The following FAR2 variants were observed in gnomAD, a reference collection of about 807,000 sequenced individuals.
FAR2 encodes fatty acyl-CoA reductase 2, also known as epididymis secretory protein Li 81.
Under a neutral mutation model 56.0 loss-of-function variants are expected in FAR2, and 19 were observed. The observed-to-expected ratio is 0.34, with a 90% confidence interval of 0.24 to 0.50. The LOEUF (loss-of-function observed/expected upper bound fraction) is 0.50. FAR2 is among the 20% of genes least tolerant of loss of function. The probability of loss-of-function intolerance (pLI) is 0.98; values close to 1 mark genes in which losing one functional copy is unlikely to be tolerated. For missense variants in FAR2, 508 were observed against 642.2 expected (o/e 0.79, Z 2.26); for synonymous variants, 219 against 218.8 (o/e 1.00, Z -0.01).
intron 10 of FAR2, among the ~76,000 whole-genome samples, chr12:29,330,217 T>C (rs951391919): frequency 2.0e-5 from 3 of 152,066 alleles, no homozygotes; most frequent in Admixed American, 6.6e-5. Context: ...CCACGACGCC[T>C]GGCTAATTTT....
In FAR2 at chr12:29,166,288, A is replaced by G. The variant is rs539789323; in HGVS notation, c.-39+16881A>G. Among the ~76,000 whole-genome samples the G allele has an allele frequency of 3.3e-5, 5 of 152,346 alleles. 1 individual carries two copies. Among genetic ancestry groups the G allele is most frequent in the African/African-American group, 1.2e-4 (5 of 41,584 alleles). On this transcript the variant is annotated intron_variant, in intron 1 of 11. Coordinates refer to ENST00000536681, the MANE Select transcript of FAR2 (RefSeq NM_001271783.2). ...CAGACTTTAATATCTATATCTATACATAATTTTATACATGATAATAGTAAT... is the reference window on the plus strand; with the variant it reads ...CAGACTTTAATATCTATATCTATACGTAATTTTATACATGATAATAGTAAT...
chr12:29,264,192 C>T (rs1415149927), intron 1 of FAR2, among the ~76,000 whole-genome samples: 1 of 152,040 alleles, frequency 6.6e-6, no homozygotes, highest in Non-Finnish European at 1.5e-5. Flanking sequence ...CAATATGATA[C>T]ATCATACCAA....
chr12:29,260,210 T>C (rs779324655), intron 1 of FAR2, among the ~76,000 whole-genome samples: 2 of 152,196 alleles, frequency 1.3e-5, no homozygotes, highest in Non-Finnish European at 1.5e-5. Context: ...ACTGCAATTA[T>C]TTTTGTGCCA....
chr12:29,285,545 G>A (rs963238326), intron 2 of FAR2, among the ~76,000 whole-genome samples: 1 of 151,952 alleles, frequency 6.6e-6, no homozygotes, highest in African/African-American at 2.4e-5. Context: ...AAGGAAGGGA[G>A]GAAGGGAAGA....
At chr12:29,192,596 T>C (rs921327273) in intron 1 of FAR2, among the ~76,000 whole-genome samples, 6 of 152,214 alleles carry the variant, frequency 3.9e-5, no homozygotes, top group Admixed American at 6.5e-5. Context: ...ACCCCTGAGT[T>C]CTTTAAACAG....
chr12:29,270,717 C>A, intron 2 of FAR2, 79 bp downstream of exon 2: 1 of 1,278,044 alleles, frequency 7.8e-7, no homozygotes, highest in Non-Finnish European at 1.0e-6. Context: ...CTTATAGTCT[C>A]ATATTGCAAG....
At chr12:29,208,443 T>A (rs1947501779) in intron 1 of FAR2, among the ~76,000 whole-genome samples, 1 of 152,260 alleles carries the variant, frequency 6.6e-6, no homozygotes, top group African/African-American at 2.4e-5. Flanking sequence ...ATGTTCCCTC[T>A]TAATTTTACC....
intron 10 of FAR2, among the ~76,000 whole-genome samples, chr12:29,328,908 G>GA (rs975441813): frequency 5.4e-4 from 80 of 148,952 alleles, no homozygotes; most frequent in Admixed American, 1.7e-3. Context: ...TTAAAAAAAA[G>GA]AAAAAAAAAC....
chr12:29,321,345 G>A (rs1219058996), intron 9 of FAR2, among the ~76,000 whole-genome samples: 1 of 152,150 alleles, frequency 6.6e-6, no homozygotes, highest in Non-Finnish European at 1.5e-5. Context: ...GGGCAACATG[G>A]CAAAACCCTA....
At chr12:29,161,290 C>T (rs909715544) in intron 1 of FAR2, among the ~76,000 whole-genome samples, 1 of 152,216 alleles carries the variant, frequency 6.6e-6, no homozygotes, top group Admixed American at 6.5e-5. Flanking sequence ...CAGTCAGTAC[C>T]TAGTGCCTCC....
rs574104776 is a variant in FAR2 at position 29,307,693 on chromosome 12, C to A, written c.581C>A (p.Pro194His). 6.2e-7 allele frequency: 1 copy of A among 1,613,248 alleles called. No homozygotes were observed. Among genetic ancestry groups the A allele is most frequent in the East Asian group, 2.2e-5 (1 of 44,804 alleles). Residue 194 changes from proline (P) to histidine (H), a missense_variant, in exon 5 of 12, where the codon CCC (proline) becomes CAC (histidine). Pro to His is a moderately conservative substitution (Grantham distance 77, BLOSUM62 -2). Coordinates refer to ENST00000536681, the MANE Select transcript of FAR2 (RefSeq NM_001271783.2). ...GATGCTATTATTGACGAGATTACAC[C>A]CAAGCTGATCAGAGATTGGCCCAAT... ...LDDAIIDEIT[P>H]KLIRDWPNIY...
At chr12:29,185,326 T>C (rs1015526461) in intron 1 of FAR2, among the ~76,000 whole-genome samples, 1 of 152,222 alleles carries the variant, frequency 6.6e-6, no homozygotes, top group Non-Finnish European at 1.5e-5. Context: ...TCCCTTTACT[T>C]CATTGGTATC....
chr12:29,161,952 T>C (rs889570331), intron 1 of FAR2, among the ~76,000 whole-genome samples: 9 of 152,272 alleles, frequency 5.9e-5, no homozygotes, highest in African/African-American at 2.2e-4. Context: ...AAGTCTTTGC[T>C]CATTTGTCTA....
At chr12:29,327,185 C>T (rs1231881108) in intron 10 of FAR2, among the ~76,000 whole-genome samples, 1 of 152,048 alleles carries the variant, frequency 6.6e-6, no homozygotes, top group Non-Finnish European at 1.5e-5. Context: ...ACCTAGGAAT[C>T]CAACTTACAA....
At chr12:29,172,274 C>A (rs1283791277) in intron 1 of FAR2, among the ~76,000 whole-genome samples, 1 of 152,236 alleles carries the variant, frequency 6.6e-6, no homozygotes, top group Non-Finnish European at 1.5e-5. Context: ...AGCACCTCTG[C>A]CCAGCCACTG....
intron 1 of FAR2, among the ~76,000 whole-genome samples, chr12:29,165,656 A>T (rs1181504960): frequency 6.6e-6 from 1 of 152,038 alleles, no homozygotes; most frequent in African/African-American, 2.4e-5. Context: ...ATGAAAAATG[A>T]TTTTCTTCTT....
intron 1 of FAR2, among the ~76,000 whole-genome samples, chr12:29,220,040 A>G (rs1952192448): frequency 6.6e-6 from 1 of 152,198 alleles, no homozygotes. Flanking sequence ...GTACTTAGAT[A>G]TTATGATCCC....
intron 1 of FAR2, among the ~76,000 whole-genome samples, chr12:29,255,536 T>C (rs761081085): frequency 6.6e-6 from 1 of 152,356 alleles, no homozygotes; most frequent in South Asian, 2.1e-4. Flanking sequence ...TAAGGAAGCA[T>C]GTTTTGCAAA....
At chr12:29,254,310 C>A (rs1475677094) in intron 1 of FAR2, among the ~76,000 whole-genome samples, 1 of 147,122 alleles carries the variant, frequency 6.8e-6, no homozygotes, top group Non-Finnish European at 1.5e-5. Context: ...AGAAAGAAAT[C>A]TAGATTAAAA....
Sources: gnomAD v4.1 joint callset for allele counts (sites outside exome capture counted in the v4.1 genomes callset) on GRCh38, gnomAD v4.1.1 for gene constraint, MANE v1.5 for transcripts, NCBI Gene and HGNC (gene_info 2026-07-23, HGNC 2026-07-21) for gene names.